The following NTM variants were observed in gnomAD, a reference collection of about 807,000 sequenced individuals.
NTM encodes the protein IgLON family member 2.
Under a neutral mutation model 42.1 loss-of-function variants are expected in NTM, and 13 were observed. The ratio of observed to expected loss-of-function variants is 0.31; its 90% CI spans 0.20 to 0.49. NTM has a LOEUF of 0.49. NTM is among the 20% of genes least tolerant of loss of function. The probability of loss-of-function intolerance (pLI) is 0.99; values close to 1 mark genes in which losing one functional copy is unlikely to be tolerated. For synonymous variants in NTM, 187 were observed against 179.2 expected (o/e 1.04, Z -0.35); for missense variants, 373 against 452.8 (o/e 0.82, Z 1.60).
At chr11:132,234,316 A>G (rs1311994763) in intron 4 of NTM, among the ~76,000 whole-genome samples, 2 of 152,166 alleles carry the variant, frequency 1.3e-5, no homozygotes, top group Non-Finnish European at 2.9e-5. Context: ...GAGGGCCATC[A>G]TCTTCCCAGG....
intron 1 of NTM, among the ~76,000 whole-genome samples, chr11:131,375,963 C>T (rs975719383): frequency 6.6e-6 from 1 of 152,210 alleles, no homozygotes; most frequent in Non-Finnish European, 1.5e-5. Flanking sequence ...CTTCTCTGTT[C>T]TTCACCTTCT....
At chr11:132,243,559 C>G (rs1187000046) in intron 4 of NTM, among the ~76,000 whole-genome samples, 1 of 152,158 alleles carries the variant, frequency 6.6e-6, no homozygotes, top group East Asian at 1.9e-4. Context: ...TGAAGGGGAA[C>G]AGAGAAGTAG....
chr11:132,243,201 A>G (rs3133882), intron 4 of NTM, among the ~76,000 whole-genome samples: 100,585 of 151,996 alleles, frequency 0.66, 33,703 homozygotes, highest in Middle Eastern at 0.76. Flanking sequence ...CAAATCTTTG[A>G]TCATGTTTTG....
intron 2 of NTM, among the ~76,000 whole-genome samples, chr11:132,077,882 T>C (rs2058567432): frequency 6.6e-6 from 1 of 152,208 alleles, no homozygotes; most frequent in African/African-American, 2.4e-5. Flanking sequence ...ATTACAGTTT[T>C]GAACTCCCAC....
At chr11:131,599,206 C>T (rs1379829189) in intron 1 of NTM, among the ~76,000 whole-genome samples, 1 of 152,180 alleles carries the variant, frequency 6.6e-6, no homozygotes, top group Non-Finnish European at 1.5e-5. Flanking sequence ...TGAGCCACCG[C>T]ACCTGGCCTG....
chr11:131,402,505 A>G (rs1945355816), intron 1 of NTM, among the ~76,000 whole-genome samples: 1 of 152,150 alleles, frequency 6.6e-6, no homozygotes, highest in Non-Finnish European at 1.5e-5. Flanking sequence ...CTAAGAGAAA[A>G]AAAGGAGTCA....
chr11:132,304,358 C>T (rs2094992227), intron 4 of NTM, among the ~76,000 whole-genome samples: 1 of 151,692 alleles, frequency 6.6e-6, no homozygotes, highest in African/African-American at 2.4e-5. Context: ...TGCCTCTTCC[C>T]CACTGATGTC....
chr11:131,515,677 A>G (rs1193159912), intron 1 of NTM, among the ~76,000 whole-genome samples: 1 of 152,208 alleles, frequency 6.6e-6, no homozygotes, highest in Non-Finnish European at 1.5e-5. Context: ...GTTCAAAGCA[A>G]TAACTCACAT....
In NTM at chr11:132,328,218, A is replaced by G. The variant is rs192445534; in HGVS notation, c.935-1935A>G. On this transcript the variant is annotated intron_variant, in intron 7 of 8. Coordinates refer to ENST00000683400, the MANE Select transcript of NTM (RefSeq NM_001352005.2). Reference sequence around the variant, plus strand: ...AATGAGCATGATGGGTTTAGAGTATATACGAAAATATCCTGGCATTTCCAC... The same window carrying G: ...AATGAGCATGATGGGTTTAGAGTATGTACGAAAATATCCTGGCATTTCCAC... Among the ~76,000 whole-genome samples, 576 of 152,316 alleles carry G rather than the reference A, an allele frequency of 3.8e-3. 2 individuals are homozygous for G. The highest frequency in any genetic ancestry group is 5.7e-3 in the Non-Finnish European group (391 of 68,026).
At chr11:131,758,858 C>T (rs1002935968) in intron 1 of NTM, among the ~76,000 whole-genome samples, 2 of 152,156 alleles carry the variant, frequency 1.3e-5, no homozygotes, top group Middle Eastern at 3.4e-3. Context: ...TCCCAAATTG[C>T]GAGGATTACA....
chr11:131,607,923 C>T (rs1473783586), intron 1 of NTM, among the ~76,000 whole-genome samples: 3 of 151,718 alleles, frequency 2.0e-5, no homozygotes, highest in African/African-American at 7.3e-5. Context: ...TATTATTATA[C>T]TTTAAGTTCT....
chr11:132,008,229 T>G (rs1038969281), intron 2 of NTM, among the ~76,000 whole-genome samples: 1 of 152,118 alleles, frequency 6.6e-6, no homozygotes, highest in African/African-American at 2.4e-5. Flanking sequence ...CCCTCGCCAC[T>G]TATGGGATGC....
chr11:131,572,606 G>A (rs750086408), intron 1 of NTM, among the ~76,000 whole-genome samples: 2 of 152,126 alleles, frequency 1.3e-5, no homozygotes, highest in African/African-American at 2.4e-5. Context: ...CGCATTGAAA[G>A]ACTTTGCAGA....
chr11:131,525,062 T>C (rs2050272618), intron 1 of NTM, among the ~76,000 whole-genome samples: 1 of 151,904 alleles, frequency 6.6e-6, no homozygotes, highest in Non-Finnish European at 1.5e-5. Context: ...GGGGCAGTAA[T>C]TACTCATCAG....
At chr11:131,506,696 G>C (rs1369512431) in intron 1 of NTM, among the ~76,000 whole-genome samples, 1 of 152,224 alleles carries the variant, frequency 6.6e-6, no homozygotes, top group South Asian at 2.1e-4. Flanking sequence ...AGCCACAGGA[G>C]TTTGATGGGA....
intron 2 of NTM, among the ~76,000 whole-genome samples, chr11:132,076,672 A>G (rs917999230): frequency 6.6e-6 from 1 of 152,188 alleles, no homozygotes; most frequent in African/African-American, 2.4e-5. Flanking sequence ...GAGTTTGAAC[A>G]TGCATCCATG....
At chr11:132,229,488 T>G (rs967752039) in intron 4 of NTM, among the ~76,000 whole-genome samples, 5 of 152,244 alleles carry the variant, frequency 3.3e-5, no homozygotes, top group African/African-American at 1.2e-4. Flanking sequence ...AGAATCCATA[T>G]AGTTTATATT....
intron 2 of NTM, among the ~76,000 whole-genome samples, chr11:131,996,220 G>T (rs1040148632): frequency 1.3e-5 from 2 of 152,042 alleles, no homozygotes; most frequent in African/African-American, 4.8e-5. Context: ...GATGCTAAGG[G>T]TTGTGAGAGG....
chr11:132,049,676 C>T (rs891223053), intron 2 of NTM, among the ~76,000 whole-genome samples: 3 of 152,172 alleles, frequency 2.0e-5, no homozygotes, highest in African/African-American at 7.2e-5. Context: ...GGCAGCGTGA[C>T]TGGTGGGATG....
Sources: gnomAD v4.1 joint callset for allele counts (sites outside exome capture counted in the v4.1 genomes callset) on GRCh38, gnomAD v4.1.1 for gene constraint, MANE v1.5 for transcripts, NCBI Gene and HGNC (gene_info 2026-07-23, HGNC 2026-07-21) for gene names.